Variants in MAF observed in about 807,000 individuals in gnomAD.
The protein encoded by MAF is MAF bZIP transcription factor.
A neutral mutation model predicts 22.0 loss-of-function variants in MAF; 10 were observed. The ratio of observed to expected loss-of-function variants is 0.45; its 90% CI spans 0.28 to 0.77. The LOEUF is 0.77. Ranked by LOEUF, MAF falls within the 30% of genes least tolerant of loss-of-function variation. The pLI is 0.12. For synonymous variants in MAF, 337 were observed against 255.8 expected (o/e 1.32, Z -3.03); for missense variants, 544 against 548.4 (o/e 0.99, Z 0.08).
chr16:79,208,305 G>A, the MAF span, among the ~76,000 whole-genome samples: 15 of 152,086 alleles, frequency 9.9e-5, no homozygotes, highest in African/African-American at 3.1e-4. Flanking sequence ...CCATTGCTGC[G>A]GGATAGACAC....
chr16:79,445,721 A>C, the MAF span, among the ~76,000 whole-genome samples: 7 of 152,252 alleles, frequency 4.6e-5, no homozygotes, highest in Admixed American at 3.3e-4. Flanking sequence ...AGTTTGCATC[A>C]GACGCTCCCT....
chr16:79,262,869 C>A, the MAF span, among the ~76,000 whole-genome samples: 1 of 152,126 alleles, frequency 6.6e-6, no homozygotes, highest in Non-Finnish European at 1.5e-5. Flanking sequence ...GCAGAAATAA[C>A]CGTAGCATTT....
the MAF span, among the ~76,000 whole-genome samples, chr16:79,524,706 T>C: frequency 3.3e-5 from 5 of 152,242 alleles, no homozygotes; most frequent in Non-Finnish European, 5.9e-5. Context: ...TGGCCAAATA[T>C]AGAAATCATT....
the MAF span, among the ~76,000 whole-genome samples, chr16:79,541,695 C>T: frequency 8.3e-5 from 12 of 145,164 alleles, no homozygotes; most frequent in Non-Finnish European, 1.6e-4. Flanking sequence ...GATGGTGTTC[C>T]AGTCTGCTGC....
chr16:79,458,306 C>T, the MAF span, among the ~76,000 whole-genome samples: 1 of 152,114 alleles, frequency 6.6e-6, no homozygotes, highest in African/African-American at 2.4e-5. Context: ...AGGCATGTGT[C>T]TCTCTGTGCA....
the MAF span, among the ~76,000 whole-genome samples, chr16:79,545,344 T>C: frequency 3.0e-4 from 45 of 152,132 alleles, no homozygotes; most frequent in Non-Finnish European, 3.1e-4. Context: ...GCTGCAGAAC[T>C]GAGGGGGCCC....
the MAF span, among the ~76,000 whole-genome samples, chr16:79,291,155 C>A: frequency 6.6e-6 from 1 of 152,146 alleles, no homozygotes; most frequent in Non-Finnish European, 1.5e-5. Context: ...GGAAATGGGG[C>A]CGTCGTCTGC....
the MAF span, among the ~76,000 whole-genome samples, chr16:79,342,974 G>A: frequency 2.0e-5 from 3 of 152,210 alleles, no homozygotes; most frequent in Admixed American, 6.5e-5. Flanking sequence ...TTCTCTGGTA[G>A]TTTTTTTCAT....
the MAF span, among the ~76,000 whole-genome samples, chr16:79,473,949 A>G: frequency 3.4e-3 from 524 of 152,248 alleles, 14 homozygotes; most frequent in South Asian, 0.065. Context: ...TATGGTTTAT[A>G]AAGTGGTCGA....
the MAF span, among the ~76,000 whole-genome samples, chr16:79,276,121 C>T: frequency 6.7e-6 from 1 of 149,058 alleles, no homozygotes; most frequent in Non-Finnish European, 1.5e-5. Flanking sequence ...ATCCTGGGGA[C>T]AGATCAAGAC....
At chr16:79,223,097 A>G in the MAF span, among the ~76,000 whole-genome samples, 4 of 151,938 alleles carry the variant, frequency 2.6e-5, no homozygotes, top group Non-Finnish European at 5.9e-5. Context: ...CACTTATTGT[A>G]AAATTGACCA....
the MAF span, among the ~76,000 whole-genome samples, chr16:79,517,315 C>T: frequency 1.3e-5 from 2 of 152,188 alleles, no homozygotes; most frequent in Non-Finnish European, 2.9e-5. Flanking sequence ...CAAACGATTG[C>T]CTAATAATAA....
chr16:79,500,123 C>G, the MAF span, among the ~76,000 whole-genome samples: 3 of 152,208 alleles, frequency 2.0e-5, no homozygotes, highest in Non-Finnish European at 4.4e-5. Context: ...CCGCTGACAC[C>G]TCAGTTTCAG....
chr16:79,532,765 A>T, the MAF span, among the ~76,000 whole-genome samples: 1 of 152,186 alleles, frequency 6.6e-6, no homozygotes, highest in Non-Finnish European at 1.5e-5. Flanking sequence ...GGCCTAGAAG[A>T]TAGATAAAAA....
the MAF span, among the ~76,000 whole-genome samples, chr16:79,538,899 G>GAA: frequency 7.5e-6 from 1 of 133,344 alleles, no homozygotes; most frequent in African/African-American, 2.6e-5. Flanking sequence ...AAGAAAGAAA[G>GAA]AAAGAAAGAA....
At chr16:79,243,417 G>A in the MAF span, among the ~76,000 whole-genome samples, 7 of 151,940 alleles carry the variant, frequency 4.6e-5, no homozygotes, top group Admixed American at 3.3e-4. Context: ...ACAAACTATT[G>A]TCAGGGAATA....
the MAF span, among the ~76,000 whole-genome samples, chr16:79,559,860 T>G: frequency 6.6e-6 from 1 of 152,224 alleles, no homozygotes; most frequent in African/African-American, 2.4e-5. Context: ...ACCATAACAC[T>G]GCTGCTTTGG....
chr16:79,237,443 C>G, the MAF span, among the ~76,000 whole-genome samples: 17 of 152,068 alleles, frequency 1.1e-4, no homozygotes, highest in Non-Finnish European at 2.1e-4. Context: ...GGCTAATAAG[C>G]ACACACTTTG....
the MAF span, among the ~76,000 whole-genome samples, chr16:79,431,262 C>A: frequency 6.6e-6 from 1 of 152,176 alleles, no homozygotes. Context: ...TGATGAGCCC[C>A]ATGTCCCGAG....
Sources: allele counts gnomAD v4.1 joint callset (sites outside exome capture counted in the v4.1 genomes callset), GRCh38; gene constraint gnomAD v4.1.1; transcripts MANE v1.5; gene names NCBI Gene and HGNC (gene_info 2026-07-23, HGNC 2026-07-21).